Variants in BCAS3 observed in about 807,000 individuals in gnomAD.
BCAS3 encodes the protein BCAS3 microtubule associated cell migration factor.
A neutral mutation model predicts 116.1 loss-of-function variants in BCAS3; 53 were observed. That is an observed-to-expected ratio of 0.46 (90% CI 0.37 to 0.57). The LOEUF (loss-of-function observed/expected upper bound fraction) is 0.57, where lower values mean the gene tolerates loss of function less well. BCAS3 is among the 20% of genes least tolerant of loss of function. The pLI is 0.00. For missense variants in BCAS3, 917 were observed against 1,165.4 expected, an observed-to-expected ratio of 0.79 and a Z score of 3.10; for synonymous variants, 391 against 408.2, an observed-to-expected ratio of 0.96 and a Z score of 0.51.
chr17:60,866,597 T>A (rs546810879), intron 7 of BCAS3, among the ~76,000 whole-genome samples: 1 of 152,342 alleles, frequency 6.6e-6, no homozygotes, highest in Non-Finnish European at 1.5e-5. Flanking sequence ...AAAGAGTTCA[T>A]GTATGATAGG....
At position 60,679,468 on chromosome 17, in the gene BCAS3, C is replaced by G. The variant is rs2143782289; in HGVS notation, c.11C>G (p.Ala4Gly). The change falls in exon 2 of 24, where the codon GCT becomes GGT. Residue 4 changes from alanine (A) to glycine (G), a missense_variant. Around this residue, in one of 3 missense-constraint regions of BCAS3, gnomAD observed 807 missense variants for 1,026.0 expected, o/e 0.79. Coordinates refer to ENST00000407086, the MANE Select transcript of BCAS3 (RefSeq NM_017679.5). ...CTGGAAACAGGTTTTATGAATGAAG[C>G]TATGGCTACAGATTCCCCAAGAAGA... MNE[A>G]MATDSPRRPS... 1 of 1,613,414 alleles carries G rather than the reference C, an allele frequency of 6.2e-7. No individual in the cohort carries two copies. Among genetic ancestry groups the G allele is most frequent in the Non-Finnish European group, 8.5e-7 (1 of 1,179,484 alleles).
chr17:61,058,977 A>C (rs1274346077), intron 19 of BCAS3, among the ~76,000 whole-genome samples: 1 of 149,478 alleles, frequency 6.7e-6, no homozygotes, highest in Non-Finnish European at 1.5e-5. Flanking sequence ...TAGAGTCAGC[A>C]GTCCTGAATT....
In BCAS3 at chr17:61,315,488, G is replaced by A. The variant is rs1362714069; in HGVS notation, c.2426-52839G>A. ...TCGGAGCGGACGCTAGCTGGCAGCG[G>A]TGCCATTGCTTTCGCCTCAGGCTTC... On this transcript the variant is annotated intron_variant, in intron 22 of 23. Transcript: ENST00000407086. This position sits in a 1 kb window ranked among gnomAD's most constrained non-coding sequence, Gnocchi z 5.3. 6.6e-6 allele frequency among the ~76,000 whole-genome samples: 1 copy of A among 152,222 alleles called. No homozygotes were observed.
intron 16 of BCAS3, chr17:61,027,571 G>C: frequency 3.8e-6 from 1 of 261,022 alleles, no homozygotes; most frequent in South Asian, 4.1e-5. Context: ...AAAAGAATTC[G>C]AATATATTTA....
intron 12 of BCAS3, among the ~76,000 whole-genome samples, chr17:60,913,041 A>G (rs1487101184): frequency 2.0e-5 from 3 of 152,080 alleles, no homozygotes; most frequent in African/African-American, 7.2e-5. Flanking sequence ...AATGTGGTTT[A>G]ATTTTTTTCT....
chr17:61,119,724 A>G (rs556060668), intron 22 of BCAS3, among the ~76,000 whole-genome samples: 64 of 152,164 alleles, frequency 4.2e-4, no homozygotes, highest in Non-Finnish European at 8.8e-5. Flanking sequence ...CTACAAAATC[A>G]CCATTTACAG....
intron 7 of BCAS3, among the ~76,000 whole-genome samples, chr17:60,824,964 G>A (rs957699033): frequency 3.9e-5 from 6 of 152,062 alleles, no homozygotes; most frequent in African/African-American, 9.7e-5. Flanking sequence ...CCAGGAGTTC[G>A]AAACCATCCT....
intron 22 of BCAS3, among the ~76,000 whole-genome samples, chr17:61,329,401 C>T (rs1370859459): frequency 4.1e-5 from 6 of 145,632 alleles, no homozygotes; most frequent in African/African-American, 7.6e-5. Context: ...AGTGCAGTGG[C>T]GCGATCTCGG....
rs2082511501 is a variant in BCAS3, at chr17:61,228,860, T to C, written c.2426-139467T>C. Among the ~76,000 whole-genome samples, 2 of 152,140 alleles carry C rather than the reference T, an allele frequency of 1.3e-5. No individual in the cohort carries two copies. Among genetic ancestry groups the C allele is most frequent in the Non-Finnish European group, 2.9e-5 (2 of 68,030 alleles). ...GTAAAAAAGAGGTTCGCCTCTCACT[T>C]TAAATCAAAAGCTAGAAATGATTAA... On this transcript the variant is annotated intron_variant, in intron 22 of 23. Coordinates refer to ENST00000407086, the MANE Select transcript of BCAS3 (RefSeq NM_017679.5). The surrounding 1 kb of genome is among the most constrained non-coding windows in gnomAD (Gnocchi z 5.0).
chr17:60,758,322 AT>A, intron 6 of BCAS3, among the ~76,000 whole-genome samples: 1 of 152,082 alleles, frequency 6.6e-6, no homozygotes, highest in East Asian at 1.9e-4. Flanking sequence ...GATTTTGTTT[AT>A]CTTTTTGAAG....
chr17:61,085,342 G>A (rs928346030), intron 22 of BCAS3, among the ~76,000 whole-genome samples: 17 of 152,154 alleles, frequency 1.1e-4, no homozygotes, highest in Admixed American at 3.9e-4. Context: ...AATACTCGGC[G>A]TTAGTCAAAC....
chr17:60,802,436 C>T (rs1484647689), intron 6 of BCAS3, among the ~76,000 whole-genome samples: 3 of 149,818 alleles, frequency 2.0e-5, no homozygotes, highest in East Asian at 1.9e-4. Flanking sequence ...ATTCTCCAAG[C>T]GTCTATCTTT....
chr17:60,863,954 A>G (rs2144866252), intron 7 of BCAS3, among the ~76,000 whole-genome samples: 1 of 152,340 alleles, frequency 6.6e-6, no homozygotes, highest in East Asian at 1.9e-4. Flanking sequence ...GTTCAGCGTC[A>G]TGAAACCAAC....
At chr17:60,710,236 G>A (rs964216313) in intron 5 of BCAS3, among the ~76,000 whole-genome samples, 5 of 152,136 alleles carry the variant, frequency 3.3e-5, no homozygotes. Flanking sequence ...CCATGAGTAT[G>A]TGTGTATGTG....
At chr17:60,959,316 AT>A (rs930033285) in intron 14 of BCAS3, among the ~76,000 whole-genome samples, 7 of 150,180 alleles carry the variant, frequency 4.7e-5, no homozygotes, top group African/African-American at 1.5e-4. Flanking sequence ...CAAAAAAAAA[AT>A]TTTTTTTTTG....
In BCAS3 at chr17:61,388,763, G is replaced by T; in HGVS notation, c.2594-3214G>T. On this transcript the variant is annotated intron_variant, in intron 23 of 23. Transcript: ENST00000407086. This position sits in a 1 kb window ranked among gnomAD's most constrained non-coding sequence, Gnocchi z 6.5. ...GCTCGTAGGGCTGGGCGGCCGGGAT[G>T]ACTTGGAGGGGGGAATCTGAGCAGC... The T allele has an allele frequency of 1.3e-6, 2 of 1,482,730 alleles. No individual in the cohort carries two copies. The highest frequency in any genetic ancestry group is 2.5e-5 in the South Asian group (2 of 81,368). The allele number at this position is 1,482,730 out of a possible 1,614,324, so 91.8% of individuals were successfully genotyped here.
At chr17:60,849,271 G>A (rs1269546920) in intron 7 of BCAS3, among the ~76,000 whole-genome samples, 3 of 150,906 alleles carry the variant, frequency 2.0e-5, no homozygotes, top group African/African-American at 7.3e-5. Flanking sequence ...CTGAATCTCT[G>A]TGTTCAGTTC....
At position 61,056,523 on chromosome 17, in the gene BCAS3, T is replaced by C. The variant is rs1361283764; in HGVS notation, c.2029+15631T>C. Among the ~76,000 whole-genome samples the C allele has an allele frequency of 4.6e-5, 7 of 152,178 alleles. No homozygotes were observed. The highest frequency in any genetic ancestry group is 2.9e-5 in the Non-Finnish European group (2 of 68,004). On this transcript the variant is annotated intron_variant, in intron 19 of 23. Coordinates refer to ENST00000407086, the MANE Select transcript of BCAS3 (RefSeq NM_017679.5). The surrounding 1 kb of genome is among the most constrained non-coding windows in gnomAD (Gnocchi z 4.9). ...ATAAATTTATAAAGTATAAAAATTC[T>C]TTTATAGATATTTTTTAAAGTTTAA...
At chr17:60,851,305 A>G in intron 7 of BCAS3, 1 of 309,128 alleles carries the variant, frequency 3.2e-6, no homozygotes, top group South Asian at 3.1e-5. Flanking sequence ...GGCAGCAGCC[A>G]GGCAGCCCAG....
Sources: allele counts gnomAD v4.1 joint callset (sites outside exome capture counted in the v4.1 genomes callset), GRCh38; gene constraint gnomAD v4.1.1; regional missense constraint gnomAD v4.1.1; non-coding constraint Gnocchi (gnomAD v3.1); transcripts MANE v1.5; gene names NCBI Gene and HGNC (gene_info 2026-07-23, HGNC 2026-07-21).